The following PASK variants were observed in gnomAD, a reference collection of about 807,000 sequenced individuals.
PASK encodes PAS domain-containing serine/threonine-protein kinase.
A neutral mutation model predicts 121.0 loss-of-function variants in PASK; 110 were observed. The observed-to-expected ratio is 0.91, with a 90% CI of 0.78 to 1.06. The LOEUF (loss-of-function observed/expected upper bound fraction) is 1.06. Among genes scored for constraint, PASK ranks in the 50% least tolerant of loss-of-function variants. PASK has a pLI of 0.00. For missense variants in PASK, 1,643 were observed against 1,702.3 expected, an observed-to-expected ratio of 0.97 and a Z score of 0.61; for synonymous variants, 686 against 717.8, an observed-to-expected ratio of 0.96 and a Z score of 0.71.
rs372051849 is a variant in PASK at position 241,115,076 on chromosome 2, C to T, written c.3300G>A (p.Leu1100=). The T allele has an allele frequency of 1.2e-6, 2 of 1,614,136 alleles. No individual in the cohort carries two copies. The highest frequency in any genetic ancestry group is 2.7e-5 in the African/African-American group (2 of 75,036). Residue 1100 remains leucine (L), a synonymous_variant, in exon 14 of 18, where the codon CTG becomes CTA. Coordinates refer to ENST00000234040, the MANE Select transcript of PASK (RefSeq NM_015148.4). ...LFAFIDRHPR[L]DEPLASYIFR... ...AGATGTAGCTCGCCAGGGGCTCATC[C>T]AGCCTGGGGTGGCGGTCGATGAAAG...
chr2:241,118,311 T>C (rs1015342518), intron 12 of PASK, among the ~76,000 whole-genome samples: 4 of 151,796 alleles, frequency 2.6e-5, no homozygotes, highest in African/African-American at 9.7e-5. Context: ...TGGTACTGGC[T>C]TAAGGACACA....
intron 5 of PASK, 47 bp downstream of exon 5, chr2:241,138,607 C>T (rs770431606): frequency 6.2e-6 from 10 of 1,609,876 alleles, no homozygotes; most frequent in Non-Finnish European, 8.5e-6. Flanking sequence ...AGGAGAACGA[C>T]GCCGGCTCCA....
chr2:241,135,981 G>A lies in PASK; in HGVS notation c.1196C>T (p.Ser399Leu). ...GCTGGCCAGGTCTGGGAGCTGTAAT[G>A]AGCTGTTGTACGCAAGGTCCATGTA... The part of the protein sequence containing the change: ...YSYMDLAYNS[S>L]LQLPDLASCL... The change falls in exon 8 of 18, where the codon TCA becomes TTA. Residue 399 changes from serine (S) to leucine (L), a missense_variant. This residue lies in a region of PASK where 1,176 missense variants were observed against 1,162.2 expected (regional missense o/e 1.01). Transcript: ENST00000234040. The A allele has an allele frequency of 6.2e-7, 1 of 1,613,906 alleles. No homozygotes were observed.
At chr2:241,124,468 C>G (rs1425744661) in intron 10 of PASK, among the ~76,000 whole-genome samples, 2 of 152,248 alleles carry the variant, frequency 1.3e-5, no homozygotes, top group Admixed American at 1.3e-4. Flanking sequence ...ACCCCCAACT[C>G]AGAATAGCCG....
At chr2:241,144,252 C>T (rs1345497832) in intron 1 of PASK, among the ~76,000 whole-genome samples, 1 of 152,204 alleles carries the variant, frequency 6.6e-6, no homozygotes, top group Non-Finnish European at 1.5e-5. Flanking sequence ...GAGTTCCATC[C>T]TGCATATTGG....
chr2:241,142,142 C>T (rs2066729508), intron 2 of PASK, among the ~76,000 whole-genome samples: 1 of 152,210 alleles, frequency 6.6e-6, no homozygotes, highest in South Asian at 2.1e-4. Flanking sequence ...TCAGACACTC[C>T]AGTGCACAAG....
At chr2:241,109,690 G>C (rs2065027732) in intron 15 of PASK, 1 of 152,362 alleles carries the variant, frequency 6.6e-6, no homozygotes. Context: ...GGACGGATGA[G>C]AGCTGTAGGG....
At chr2:241,117,299 CTG>C (rs1390286568) in intron 12 of PASK, among the ~76,000 whole-genome samples, 1 of 152,150 alleles carries the variant, frequency 6.6e-6, no homozygotes, top group Non-Finnish European at 1.5e-5. Flanking sequence ...AGAAGTGAGA[CTG>C]AGGGAAAGCA....
At chr2:241,150,328 G>A, upstream of PASK, 1 of 1,326,554 alleles carries the variant, frequency 7.5e-7, no homozygotes, top group African/African-American at 1.5e-5. Context: ...GCGGCGCGCG[G>A]CCTCATGACG....
At chr2:241,128,796 T>C (rs2065991396) in intron 9 of PASK, among the ~76,000 whole-genome samples, 1 of 151,036 alleles carries the variant, frequency 6.6e-6, no homozygotes, top group African/African-American at 2.4e-5. Flanking sequence ...AGCACAGGAG[T>C]CTAGGCTGCA....
chr2:241,106,260 A>G lies in PASK; in HGVS notation c.*306T>C, dbSNP rs1318520658. ...AGGAAACAAAACATGCACATATACA[A>G]AAGTAGAAAGAGAAAACACTCATGC... On this transcript the variant is annotated 3_prime_UTR_variant, in exon 18 of 18. Transcript: ENST00000234040. 5 of 423,394 alleles carry G rather than the reference A, an allele frequency of 1.2e-5. No homozygotes were observed. Among genetic ancestry groups the G allele is most frequent in the African/African-American group, 1.0e-4 (5 of 49,926 alleles). 26.2% of individuals were successfully genotyped at this position (423,394 alleles called of 1,614,324 possible). A position where few individuals can be genotyped will look rare whatever the true frequency, so the allele number is the denominator to read the frequency against.
At chr2:241,145,716 A>G (rs2066923254) in intron 1 of PASK, 1 of 151,872 alleles carries the variant, frequency 6.6e-6, no homozygotes, top group African/African-American at 2.4e-5. Flanking sequence ...CTCTACTAAA[A>G]AAAAAAAAAT....
intron 4 of PASK, among the ~76,000 whole-genome samples, chr2:241,139,272 A>G (rs1360042316): frequency 6.6e-6 from 1 of 152,206 alleles, no homozygotes; most frequent in Non-Finnish European, 1.5e-5. Context: ...AGAGCCTCAG[A>G]TCATACCCCA....
In PASK at chr2:241,115,032, C is replaced by T; in HGVS notation, c.3333+11G>A. 1 of 1,614,154 alleles carries T rather than the reference C, an allele frequency of 6.2e-7. No homozygotes were observed. On this transcript the variant is annotated intron_variant, in intron 14 of 17. Transcript: ENST00000234040. ...TGCGTTCACACTAACACGGCTCTGG[C>T]CTGCTCTCACTTGTCGGAAGATGTA...
At chr2:241,117,755 A>G (rs780513544) in intron 12 of PASK, among the ~76,000 whole-genome samples, 34 of 152,252 alleles carry the variant, frequency 2.2e-4, no homozygotes, top group Non-Finnish European at 3.8e-4. Flanking sequence ...ATACAGGTCT[A>G]AAAAGTTCTG....
rs1431753537 is a variant in PASK at position 241,127,129 on chromosome 2, G to A, written c.1786C>T (p.Gln596Ter). The change falls in exon 10 of 18, where the codon CAG becomes TAG. Residue 596 changes from glutamine (Q) to a stop codon, truncating the protein, a stop_gained. Transcript: ENST00000234040. LOFTEE classifies it high-confidence loss of function. The stretch of plus-strand genomic sequence containing the variant: ...CCCCCCGCCAGCTGACCCTTGGCCT[G>A]GGGCTTGGCCACGGCAGCCCCAGCC... ...LWAGAAVAKPQAKGQLAGGSL... is the reference protein window; with the variant it reads ...LWAGAAVAKP The A allele has an allele frequency of 6.2e-7, 1 of 1,614,050 alleles. No individual in the cohort carries two copies. Among genetic ancestry groups the A allele is most frequent in the East Asian group, 2.2e-5 (1 of 44,880 alleles).
chr2:241,132,513 A>AGCGAGACTC (rs1335261197), intron 9 of PASK, among the ~76,000 whole-genome samples: 1 of 133,408 alleles, frequency 7.5e-6, no homozygotes, highest in African/African-American at 2.9e-5. Context: ...TGGGTGACAC[A>AGCGAGACTC]GCGAGACTCT....
chr2:241,144,433 T>C (rs192833643), intron 1 of PASK, among the ~76,000 whole-genome samples: 3 of 152,238 alleles, frequency 2.0e-5, no homozygotes, highest in Admixed American at 6.5e-5. Flanking sequence ...ACCAGAACCA[T>C]GGCTGGAGTT....
At chr2:241,114,770 T>G in intron 14 of PASK, 1 of 1,405,466 alleles carries the variant, frequency 7.1e-7, no homozygotes, top group Non-Finnish European at 9.2e-7. Context: ...TTGTGGATAT[T>G]TTATGTATGT....
Sources: gnomAD v4.1 joint callset for allele counts (sites outside exome capture counted in the v4.1 genomes callset) on GRCh38, gnomAD v4.1.1 for gene constraint, gnomAD v4.1.1 regional missense constraint, MANE v1.5 for transcripts, NCBI Gene and HGNC (gene_info 2026-07-23, HGNC 2026-07-21) for gene names.